The following WWC2 variants were observed in gnomAD, a reference collection of about 807,000 sequenced individuals.
The protein encoded by WWC2 is protein WWC2.
Under a neutral mutation model 138.5 loss-of-function variants are expected in WWC2, and 101 were observed. The observed-to-expected ratio is 0.73, with a 90% CI of 0.62 to 0.86. The LOEUF (loss-of-function observed/expected upper bound fraction) is 0.86. WWC2 is among the 40% of genes least tolerant of loss of function. WWC2 has a pLI of 0.00. For synonymous variants in WWC2, 558 were observed against 538.4 expected, an observed-to-expected ratio of 1.04 and a Z score of -0.50; for missense variants, 1,420 against 1,419.4, an observed-to-expected ratio of 1.00 and a Z score of -0.01.
chr4:183,298,627 A>G (rs568919095), intron 21 of WWC2, among the ~76,000 whole-genome samples: 1 of 152,332 alleles, frequency 6.6e-6, no homozygotes, highest in Admixed American at 6.5e-5. Context: ...CTTATAAAAT[A>G]CCATAAAAGT....
At chr4:183,314,896 C>T (rs1042784549) in intron 22 of WWC2, among the ~76,000 whole-genome samples, 1 of 152,198 alleles carries the variant, frequency 6.6e-6, no homozygotes, top group Non-Finnish European at 1.5e-5. Context: ...AGAACATCCC[C>T]ACCTCAGCTC....
chr4:183,182,440 T>A (rs1398171288), intron 1 of WWC2, among the ~76,000 whole-genome samples: 2 of 152,210 alleles, frequency 1.3e-5, no homozygotes, highest in Middle Eastern at 3.2e-3. Context: ...GTTCTCTACC[T>A]CTCTCAAACA....
At chr4:183,264,068 C>T (rs1264368036) in intron 11 of WWC2, among the ~76,000 whole-genome samples, 2 of 152,168 alleles carry the variant, frequency 1.3e-5, no homozygotes, top group East Asian at 3.8e-4. Context: ...CATGTCATCA[C>T]CTTCACCCTT....
Position 183,319,359 on chromosome 4 carries a change from G to T in WWC2, c.*3630G>T. On this transcript the variant is annotated 3_prime_UTR_variant, in exon 23 of 23. Coordinates refer to ENST00000403733, the MANE Select transcript of WWC2 (RefSeq NM_024949.6). ...CAGTAATGGGTGTCATTACTATTCA[G>T]TCTTGATTGATTTTGGTCTCAGACT... The T allele has an allele frequency of 1.6e-6, 1 of 609,964 alleles. No individual in the cohort carries two copies. Among genetic ancestry groups the T allele is most frequent in the Non-Finnish European group, 2.8e-6 (1 of 351,366 alleles). 37.8% of individuals were successfully genotyped at this position (609,964 alleles called of 1,614,324 possible).
Position 183,220,669 on chromosome 4 carries a change from C to G in WWC2, c.522+11644C>G, listed in dbSNP as rs1260264639. 4.0e-5 allele frequency among the ~76,000 whole-genome samples: 6 copies of G among 151,868 alleles called. No homozygotes were observed. The East Asian group carries it at 1.2e-3, about 30-fold the overall frequency. On this transcript the variant is annotated intron_variant, in intron 4 of 22. Transcript: ENST00000403733. ...CTAACACAGTGAAACGCCATCTCTA[C>G]TAAAAATACAAAAAAGTAGCCGGGC...
intron 1 of WWC2, among the ~76,000 whole-genome samples, chr4:183,154,054 TC>T (rs1464009580): frequency 6.6e-6 from 1 of 150,528 alleles, no homozygotes; most frequent in Non-Finnish European, 1.5e-5. Context: ...ATCATTTAGT[TC>T]CTTTTAAATT....
chr4:183,264,839 T>TA, intron 11 of WWC2, 139 bp from the exon 12 acceptor site: 1 of 929,160 alleles, frequency 1.1e-6, no homozygotes, highest in African/African-American at 1.7e-5. Flanking sequence ...TTTACAGCTG[T>TA]AGATTTGAAT....
chr4:183,178,041 G>A (rs184905740), intron 1 of WWC2, among the ~76,000 whole-genome samples: 30 of 152,264 alleles, frequency 2.0e-4, no homozygotes, highest in African/African-American at 5.5e-4. Flanking sequence ...TCACTATAGC[G>A]TTAGGACATT....
At chr4:183,123,361 A>C (rs1358010116) in intron 1 of WWC2, among the ~76,000 whole-genome samples, 1 of 151,896 alleles carries the variant, frequency 6.6e-6, no homozygotes, top group African/African-American at 2.4e-5. Flanking sequence ...CAACATAGAC[A>C]AATCTCAGTG....
intron 1 of WWC2, among the ~76,000 whole-genome samples, chr4:183,174,993 T>G (rs1319774373): frequency 1.3e-5 from 2 of 152,180 alleles, no homozygotes; most frequent in Non-Finnish European, 2.9e-5. Flanking sequence ...ATATATGGTA[T>G]ATGTAAGGTA....
chr4:183,155,189 GGAGAGAGAGAGAGAGAGA>G (rs770609371), intron 1 of WWC2, among the ~76,000 whole-genome samples: 3 of 103,662 alleles, frequency 2.9e-5, no homozygotes, highest in South Asian at 3.6e-4. Flanking sequence ...CATCTTCTGA[GGAGAGAGAGAGAGAGAGA>G]GAGAGAGAGA....
chr4:183,286,834 G>T (rs1446883759), intron 20 of WWC2, among the ~76,000 whole-genome samples: 1 of 152,152 alleles, frequency 6.6e-6, no homozygotes, highest in Non-Finnish European at 1.5e-5. Flanking sequence ...ACTGTGCCGG[G>T]TATGACAGGG....
At chr4:183,294,194 G>A (rs1463304423) in intron 21 of WWC2, among the ~76,000 whole-genome samples, 2 of 152,086 alleles carry the variant, frequency 1.3e-5, no homozygotes, top group Admixed American at 1.3e-4. Flanking sequence ...GCCAACTGCT[G>A]ATACAGAGGA....
chr4:183,189,434 C>T (rs1483724181), intron 1 of WWC2, among the ~76,000 whole-genome samples: 15 of 144,006 alleles, frequency 1.0e-4, no homozygotes, highest in African/African-American at 3.9e-4. Flanking sequence ...GAGACTCAGT[C>T]TCAAAAAAAA....
At chr4:183,200,929 G>A (rs1178178102) in intron 2 of WWC2, among the ~76,000 whole-genome samples, 1 of 152,162 alleles carries the variant, frequency 6.6e-6, no homozygotes, top group Non-Finnish European at 1.5e-5. Context: ...TAAATTACTA[G>A]GAGATGAGGA....
intron 2 of WWC2, among the ~76,000 whole-genome samples, chr4:183,196,048 C>T (rs1460505650): frequency 2.0e-5 from 3 of 152,100 alleles, no homozygotes; most frequent in Admixed American, 6.5e-5. Context: ...AGGTGTGAAG[C>T]ATCTTCCGCT....
At chr4:183,128,523 C>T (rs1579965609) in intron 1 of WWC2, among the ~76,000 whole-genome samples, 1 of 152,072 alleles carries the variant, frequency 6.6e-6, no homozygotes, top group East Asian at 1.9e-4. Flanking sequence ...TTAAAAAGAT[C>T]AAAATGTGTC....
chr4:183,292,608 A>T (rs993517943), intron 21 of WWC2, among the ~76,000 whole-genome samples: 5 of 109,708 alleles, frequency 4.6e-5, no homozygotes, highest in Non-Finnish European at 8.6e-5. Flanking sequence ...ATAACTCTTT[A>T]AAAAAAAAAA....
chr4:183,175,445 T>C (rs538678053), intron 1 of WWC2, among the ~76,000 whole-genome samples: 38 of 152,042 alleles, frequency 2.5e-4, no homozygotes, highest in Non-Finnish European at 5.1e-4. Flanking sequence ...GTATTTTTTG[T>C]AGAGATGGGG....
Sources: gnomAD v4.1 joint callset for allele counts (sites outside exome capture counted in the v4.1 genomes callset) on GRCh38, gnomAD v4.1.1 for gene constraint, MANE v1.5 for transcripts, NCBI Gene and HGNC (gene_info 2026-07-23, HGNC 2026-07-21) for gene names.